TTC27: variants seen among roughly 807,000 people sequenced by gnomAD.
TTC27 encodes the protein tetratricopeptide repeat protein 27.
In TTC27, 79 loss-of-function variants were observed where a neutral mutation model predicts 115.9. That is an observed-to-expected ratio of 0.68 (90% CI 0.57 to 0.82). The LOEUF (loss-of-function observed/expected upper bound fraction) is 0.82. Ranked by LOEUF, TTC27 falls within the 40% of genes least tolerant of loss-of-function variation. TTC27 has a pLI of 0.00. For synonymous variants in TTC27, 401 were observed against 356.0 expected, an observed-to-expected ratio of 1.13 and a Z score of -1.42; for missense variants, 1,054 against 993.1, an observed-to-expected ratio of 1.06 and a Z score of -0.82.
intron 9 of TTC27, among the ~76,000 whole-genome samples, chr2:32,694,618 T>C (rs1398516876): frequency 6.6e-6 from 1 of 152,074 alleles, no homozygotes; most frequent in East Asian, 1.9e-4. Flanking sequence ...TTTCTGTCTT[T>C]ATATGTTCTG....
chr2:32,658,752 T>A (rs114680583), intron 5 of TTC27, among the ~76,000 whole-genome samples: 1 of 152,332 alleles, frequency 6.6e-6, no homozygotes, highest in Non-Finnish European at 1.5e-5. Flanking sequence ...CCCTTGTTAC[T>A]TGTTACTTGT....
intron 16 of TTC27, among the ~76,000 whole-genome samples, chr2:32,798,572 G>A (rs1670798454): frequency 6.6e-6 from 1 of 151,244 alleles, no homozygotes; most frequent in Non-Finnish European, 1.5e-5. Context: ...AGGCGTGGTG[G>A]TGGGCGCCTG....
At chr2:32,789,893 C>T (rs1670472303) in intron 16 of TTC27, among the ~76,000 whole-genome samples, 1 of 129,164 alleles carries the variant, frequency 7.7e-6, no homozygotes, top group African/African-American at 2.9e-5. Flanking sequence ...TGTACCCCAG[C>T]CTGGATGACA....
intron 9 of TTC27, among the ~76,000 whole-genome samples, chr2:32,679,315 T>C (rs1312935005): frequency 6.6e-6 from 1 of 152,208 alleles, no homozygotes; most frequent in Non-Finnish European, 1.5e-5. Context: ...ACAGTTTCAG[T>C]GGACTCTCTG....
chr2:32,636,548 A>G (rs763522297), intron 3 of TTC27, among the ~76,000 whole-genome samples: 3 of 152,158 alleles, frequency 2.0e-5, no homozygotes, highest in Non-Finnish European at 2.9e-5. Flanking sequence ...TGGTCCTTAC[A>G]GATTTGAGGT....
At chr2:32,752,783 G>C (rs1669062494) in intron 12 of TTC27, among the ~76,000 whole-genome samples, 1 of 152,142 alleles carries the variant, frequency 6.6e-6, no homozygotes, top group Non-Finnish European at 1.5e-5. Context: ...GAGAACTTCT[G>C]TTATTTAAAT....
intron 13 of TTC27, among the ~76,000 whole-genome samples, chr2:32,773,403 C>T (rs962181494): frequency 6.6e-6 from 1 of 152,234 alleles, no homozygotes; most frequent in Admixed American, 6.5e-5. Flanking sequence ...AAGAGATATG[C>T]TCCTGGTTCT....
At chr2:32,635,557 G>C (rs576374788) in intron 3 of TTC27, among the ~76,000 whole-genome samples, 18 of 152,078 alleles carry the variant, frequency 1.2e-4, no homozygotes, top group African/African-American at 3.9e-4. Context: ...GGTGGTGCAC[G>C]CTTGTAATCC....
intron 16 of TTC27, among the ~76,000 whole-genome samples, chr2:32,802,707 A>T (rs1670995252): frequency 6.6e-6 from 1 of 152,068 alleles, no homozygotes; most frequent in Non-Finnish European, 1.5e-5. Context: ...GCTGCATCCT[A>T]ATCTTCTTTG....
chr2:32,648,136 T>G (rs889553078), intron 4 of TTC27, among the ~76,000 whole-genome samples: 1 of 151,050 alleles, frequency 6.6e-6, no homozygotes, highest in African/African-American at 2.4e-5. Context: ...CGTATATACT[T>G]TTTTTTTTGA....
intron 7 of TTC27, among the ~76,000 whole-genome samples, chr2:32,670,820 T>C (rs1385324145): frequency 8.6e-5 from 13 of 152,004 alleles, no homozygotes; most frequent in Non-Finnish European, 5.9e-5. Context: ...GTTTTTGCCA[T>C]GTTTGCCAGG....
At chr2:32,730,520 C>T (rs1056416838) in intron 10 of TTC27, among the ~76,000 whole-genome samples, 1 of 147,312 alleles carries the variant, frequency 6.8e-6, no homozygotes, top group Non-Finnish European at 1.5e-5. Context: ...ATAACAATGT[C>T]CCTGTCTTTT....
chr2:32,764,674 G>A (rs1280301723), intron 13 of TTC27, among the ~76,000 whole-genome samples: 1 of 152,214 alleles, frequency 6.6e-6, no homozygotes, highest in African/African-American at 2.4e-5. Flanking sequence ...GTGTTTGATA[G>A]CTCTTTAGCC....
At chr2:32,703,555 C>T (rs1005405408) in intron 10 of TTC27, among the ~76,000 whole-genome samples, 2 of 152,036 alleles carry the variant, frequency 1.3e-5, no homozygotes, top group Admixed American at 6.6e-5. Context: ...GATATGCAGC[C>T]CCATAGGTAT....
At chr2:32,766,195 A>G (rs1432674281) in intron 13 of TTC27, among the ~76,000 whole-genome samples, 1 of 152,148 alleles carries the variant, frequency 6.6e-6, no homozygotes, top group Non-Finnish European at 1.5e-5. Context: ...AATTATACAT[A>G]TTTATGGAGT....
At chr2:32,630,723 C>G in intron 2 of TTC27, 23 bp downstream of exon 2, 1 of 1,590,732 alleles carries the variant, frequency 6.3e-7, no homozygotes, top group South Asian at 1.1e-5. Context: ...TTGAAATTTT[C>G]ATAGAGGAAC....
intron 16 of TTC27, among the ~76,000 whole-genome samples, chr2:32,802,086 A>T (rs906955018): frequency 1.3e-5 from 2 of 151,966 alleles, no homozygotes; most frequent in Admixed American, 6.5e-5. Flanking sequence ...GAAAACTCTC[A>T]TTAGATCCGC....
chr2:32,721,785 C>G (rs1667940404), intron 10 of TTC27, among the ~76,000 whole-genome samples: 1 of 152,136 alleles, frequency 6.6e-6, no homozygotes, highest in Admixed American at 6.5e-5. Flanking sequence ...TATAGGCACA[C>G]ACAACCATGC....
At position 32,777,934 on chromosome 2, in the gene TTC27, A is replaced by C. The variant is rs1416792046; in HGVS notation, c.1733A>C (p.Gln578Pro). 6.2e-7 allele frequency: 1 copy of C among 1,614,084 alleles called. No individual in the cohort carries two copies. Among genetic ancestry groups the C allele is most frequent in the South Asian group, 1.1e-5 (1 of 91,074 alleles). Residue 578 changes from glutamine to proline, a missense_variant, in exon 14 of 20, where the codon CAA becomes CCA. Gln to Pro is a moderately conservative substitution (Grantham distance 76). Coordinates refer to ENST00000317907, the MANE Select transcript of TTC27 (RefSeq NM_017735.5). ...GCCTATTTGGCCTTGGAAGACTATC[A>C]AGGTTCAGCAAAGGCATTTCAGCGC... ...GCAYLALEDY[Q>P]GSAKAFQRCV...
Sources: gnomAD v4.1 joint callset for allele counts (sites outside exome capture counted in the v4.1 genomes callset) on GRCh38, gnomAD v4.1.1 for gene constraint, MANE v1.5 for transcripts, NCBI Gene and HGNC (gene_info 2026-07-23, HGNC 2026-07-21) for gene names.